Variants in CUX2 observed in about 807,000 individuals in gnomAD.
CUX2 encodes the protein homeobox protein cut-like 2.
A neutral mutation model predicts 144.8 loss-of-function variants in CUX2; 40 were observed. The observed-to-expected ratio is 0.28, with a 90% CI of 0.21 to 0.36. The LOEUF is 0.36. Ranked by LOEUF, CUX2 falls within the 10% of genes least tolerant of loss-of-function variation. The pLI is 1.00. For missense variants in CUX2, 1,615 were observed against 1,994.0 expected (o/e 0.81, Z 3.62); for synonymous variants, 827 against 875.6 (o/e 0.94, Z 0.98).
At chr12:111,216,251 C>T (rs1881523332) in intron 2 of CUX2, among the ~76,000 whole-genome samples, 1 of 152,226 alleles carries the variant, frequency 6.6e-6, no homozygotes, top group African/African-American at 2.4e-5. Flanking sequence ...CAAATTCTAG[C>T]TGCGCCATTC....
At chr12:111,258,756 G>C (rs930217454) in intron 3 of CUX2, among the ~76,000 whole-genome samples, 1 of 152,144 alleles carries the variant, frequency 6.6e-6, no homozygotes, top group Non-Finnish European at 1.5e-5. Flanking sequence ...TGTGATCACA[G>C]CTCACTGCAG....
At chr12:111,342,490 A>T (rs1258124213) in intron 21 of CUX2, among the ~76,000 whole-genome samples, 3 of 151,756 alleles carry the variant, frequency 2.0e-5, no homozygotes, top group Non-Finnish European at 4.4e-5. Context: ...AAAAAAAAAA[A>T]TTTAAAACAC....
At chr12:111,247,688 G>A (rs1883343298) in intron 3 of CUX2, among the ~76,000 whole-genome samples, 1 of 152,150 alleles carries the variant, frequency 6.6e-6, no homozygotes, top group African/African-American at 2.4e-5. Flanking sequence ...GGGCAGGATG[G>A]GGAGAGGGGT....
At chr12:111,100,172 A>C in intron 1 of CUX2, 1 of 419,336 alleles carries the variant, frequency 2.4e-6, no homozygotes, top group Admixed American at 2.7e-5. Context: ...TGAGAGCAGG[A>C]GCCTGTGACT....
chr12:111,214,224 G>C lies in CUX2; in HGVS notation c.88G>C (p.Glu30Gln). ...GAAGGAGCTTAATTCCGTCGCTTCT[G>C]AGCTGTCTGCACGGCAGGAGGAGAG... ...LQKELNSVAS[E>Q]LSARQEESEH... The change falls in exon 2 of 22, where the codon GAG (glutamate) becomes CAG (glutamine). Residue 30 changes from glutamate (E) to glutamine (Q), a missense_variant. Physicochemically the swap from Glu to Gln is conservative, Grantham distance 29. Around this residue, in one of 12 missense-constraint regions of CUX2, gnomAD observed 64 missense variants for 64.9 expected, o/e 0.99. Coordinates refer to ENST00000261726, the MANE Select transcript of CUX2 (RefSeq NM_015267.4). 1 of 1,578,256 alleles carries C rather than the reference G, an allele frequency of 6.3e-7. No homozygotes were observed. The highest frequency in any genetic ancestry group is 8.6e-7 in the Non-Finnish European group (1 of 1,163,410).
intron 1 of CUX2, among the ~76,000 whole-genome samples, chr12:111,170,801 G>A (rs1394541446): frequency 6.6e-6 from 1 of 152,078 alleles, no homozygotes; most frequent in Non-Finnish European, 1.5e-5. Flanking sequence ...TTGGAAAGAT[G>A]AAAATAGCAG....
At chr12:111,256,413 A>G (rs1883819943) in intron 3 of CUX2, among the ~76,000 whole-genome samples, 1 of 152,038 alleles carries the variant, frequency 6.6e-6, no homozygotes, top group Non-Finnish European at 1.5e-5. Flanking sequence ...AGACCCTCCA[A>G]GCACCTGCCT....
chr12:111,293,341 G>A lies in CUX2; in HGVS notation c.437-105G>A. 6 of 1,460,110 alleles carry A rather than the reference G, an allele frequency of 4.1e-6. No homozygotes were observed. The highest frequency in any genetic ancestry group is 2.0e-4 in the Middle Eastern group (1 of 5,000). The allele number at this position is 1,460,110 out of a possible 1,614,324, so 90.4% of individuals were successfully genotyped here. The stretch of plus-strand genomic sequence containing the variant: ...TGCGCTCTCTCCAAGGCCCAAGTTT[G>A]GGAAATTGATCACAATCAATGATCG... On this transcript the variant is annotated intron_variant, in intron 5 of 21. Coordinates refer to ENST00000261726, the MANE Select transcript of CUX2 (RefSeq NM_015267.4). This position sits in a 1 kb window ranked among gnomAD's most constrained non-coding sequence, Gnocchi z 4.5.
intron 18 of CUX2, among the ~76,000 whole-genome samples, chr12:111,324,570 G>A (rs56788998): frequency 9.9e-5 from 15 of 151,756 alleles, no homozygotes; most frequent in African/African-American, 3.6e-4. Context: ...GCATGATCTC[G>A]GCTCACTGCA....
At chr12:111,106,204 C>A (rs1448511399) in intron 1 of CUX2, among the ~76,000 whole-genome samples, 2 of 152,268 alleles carry the variant, frequency 1.3e-5, no homozygotes, top group African/African-American at 4.8e-5. Context: ...GTTGCCTAGG[C>A]TGGTCTCAAA....
intron 16 of CUX2, among the ~76,000 whole-genome samples, chr12:111,314,126 G>C (rs1887052487): frequency 6.6e-6 from 1 of 152,126 alleles, no homozygotes; most frequent in Middle Eastern, 3.2e-3. Flanking sequence ...TTCCCTCTTG[G>C]TCAGTTCCAG....
intron 1 of CUX2, among the ~76,000 whole-genome samples, chr12:111,168,779 A>G (rs189849279): frequency 6.6e-6 from 1 of 152,242 alleles, no homozygotes; most frequent in Non-Finnish European, 1.5e-5. Context: ...CGATGGAAGT[A>G]GCTAATAAGA....
intron 1 of CUX2, among the ~76,000 whole-genome samples, chr12:111,082,550 G>A (rs973304675): frequency 1.3e-5 from 2 of 152,176 alleles, no homozygotes; most frequent in South Asian, 2.1e-4. Flanking sequence ...GTGGCAGGTC[G>A]CCCCTGGGAT....
intron 1 of CUX2, among the ~76,000 whole-genome samples, chr12:111,210,172 TTA>T (rs1046249176): frequency 6.6e-5 from 10 of 152,218 alleles, no homozygotes; most frequent in Non-Finnish European, 1.0e-4. Flanking sequence ...CAGTGCTGGT[TTA>T]TGTTTGTGAC....
At chr12:111,135,126 A>G (rs1350446467) in intron 1 of CUX2, among the ~76,000 whole-genome samples, 5 of 151,664 alleles carry the variant, frequency 3.3e-5, no homozygotes, top group African/African-American at 4.8e-5. Flanking sequence ...TTGGAGCTCT[A>G]TTTTAGAGAG....
At chr12:111,153,618 T>A (rs1205037670) in intron 1 of CUX2, among the ~76,000 whole-genome samples, 2 of 152,202 alleles carry the variant, frequency 1.3e-5, no homozygotes, top group Non-Finnish European at 2.9e-5. Context: ...CCATTGTATA[T>A]CCATCCATCA....
rs186829454 is a variant in CUX2, at chr12:111,034,787, G to A, written c.63+547G>A. ...GGGGTTGGCGAGGAGGCGGCTCCGCGCCCCGCCGCTCGCCGGCACCTCAGC... is the reference window on the plus strand; with the variant it reads ...GGGGTTGGCGAGGAGGCGGCTCCGCACCCCGCCGCTCGCCGGCACCTCAGC... On this transcript the variant is annotated intron_variant, in intron 1 of 21. Coordinates refer to ENST00000261726, the MANE Select transcript of CUX2 (RefSeq NM_015267.4). This position sits in a 1 kb window ranked among gnomAD's most constrained non-coding sequence, Gnocchi z 4.2. 6.7e-6 allele frequency among the ~76,000 whole-genome samples: 1 copy of A among 149,190 alleles called. No homozygotes were observed.
At chr12:111,238,937 C>A (rs1053184080) in intron 3 of CUX2, among the ~76,000 whole-genome samples, 2 of 152,132 alleles carry the variant, frequency 1.3e-5, no homozygotes, top group African/African-American at 4.8e-5. Context: ...CTCAGCTACT[C>A]GGGAGGCTGA....
chr12:111,335,790 A>G (rs1366780358), intron 19 of CUX2, among the ~76,000 whole-genome samples: 2 of 152,140 alleles, frequency 1.3e-5, no homozygotes, highest in Non-Finnish European at 2.9e-5. Context: ...GTGAATGCCT[A>G]TAGTCCTCAG....
Sources: allele counts gnomAD v4.1 joint callset (sites outside exome capture counted in the v4.1 genomes callset), GRCh38; gene constraint gnomAD v4.1.1; regional missense constraint gnomAD v4.1.1; non-coding constraint Gnocchi (gnomAD v3.1); transcripts MANE v1.5; gene names NCBI Gene and HGNC (gene_info 2026-07-23, HGNC 2026-07-21).